DYRK4: variants seen among roughly 807,000 people sequenced by gnomAD.
DYRK4 encodes the protein dual specificity tyrosine-phosphorylation-regulated kinase 4.
Under a neutral mutation model 68.3 loss-of-function variants are expected in DYRK4, and 64 were observed. The observed-to-expected ratio is 0.94, with a 90% CI of 0.77 to 1.15. The LOEUF is 1.15. DYRK4 is among the 50% of genes most tolerant of loss of function. DYRK4 has a pLI of 0.00. For missense variants in DYRK4, 740 were observed against 764.7 expected, an observed-to-expected ratio of 0.97 and a Z score of 0.38; for synonymous variants, 274 against 289.9, an observed-to-expected ratio of 0.95 and a Z score of 0.56.
chr12:4,574,639 A>T (rs1944768260), intron 2 of DYRK4, among the ~76,000 whole-genome samples: 2 of 152,216 alleles, frequency 1.3e-5, no homozygotes, highest in African/African-American at 4.8e-5. Context: ...ATGTTTCATT[A>T]TACGGGAACA....
chr12:4,592,904 C>A, intron 5 of DYRK4, 98 bp from the exon 6 acceptor site: 1 of 1,464,764 alleles, frequency 6.8e-7, no homozygotes, highest in Non-Finnish European at 9.2e-7. Context: ...GGGGAACAGG[C>A]TGATGGCTCG....
chr12:4,566,017 T>A (rs189356634), intron 1 of DYRK4, among the ~76,000 whole-genome samples: 2 of 152,350 alleles, frequency 1.3e-5, no homozygotes, highest in East Asian at 3.9e-4. Flanking sequence ...ATTTTTGTGT[T>A]CATTTTTGCC....
intron 8 of DYRK4, among the ~76,000 whole-genome samples, chr12:4,597,396 C>A (rs969429355): frequency 2.6e-5 from 4 of 152,222 alleles, no homozygotes; most frequent in African/African-American, 9.6e-5. Flanking sequence ...TAGCTCACTG[C>A]CCCCATGACA....
chr12:4,597,211 G>A, intron 8 of DYRK4: 1 of 947,850 alleles, frequency 1.1e-6, no homozygotes, highest in Non-Finnish European at 1.3e-6. Flanking sequence ...GACTTCAATA[G>A]ATTGGCGTGG....
intron 6 of DYRK4, among the ~76,000 whole-genome samples, chr12:4,594,374 C>T (rs1290256322): frequency 6.6e-6 from 1 of 152,182 alleles, no homozygotes; most frequent in Non-Finnish European, 1.5e-5. Flanking sequence ...CAGGCGCCCG[C>T]CACCACGCCT....
rs1338802648 is a variant in DYRK4, at chr12:4,596,194, A to G, written c.673A>G (p.Ile225Val). The G allele has an allele frequency of 1.9e-6, 3 of 1,614,076 alleles. No individual in the cohort carries two copies. Among genetic ancestry groups the G allele is most frequent in the Non-Finnish European group, 2.5e-6 (3 of 1,180,040 alleles). ...CTACCGCTATGAAGTTCTGGAGACA[A>G]TCGGGAAGGGGTCCTTTGGACAGGT... The part of the protein sequence containing the change: ...IAYRYEVLET[I>V]GKGSFGQVAK... The change falls in exon 7 of 15, where the codon ATC becomes GTC. Residue 225 changes from isoleucine to valine, a missense_variant. Ile to Val is a conservative substitution (Grantham distance 29). Coordinates refer to ENST00000543431, the MANE Select transcript of DYRK4 (RefSeq NM_001394779.1).
chr12:4,610,566 G>A (rs1945208257), intron 13 of DYRK4: 3 of 221,592 alleles, frequency 1.4e-5, no homozygotes, highest in Non-Finnish European at 2.6e-5. Flanking sequence ...CACAGCGTAT[G>A]GTAGAGTTTG....
In DYRK4 at chr12:4,593,184, A is replaced by G. The variant is rs1409751501; in HGVS notation, c.627+19A>G. The stretch of plus-strand genomic sequence containing the variant: ...TCTGAAGGTGATGGGGGTGGGGGCC[A>G]TGGGAACCTGCAGGGGCCCAGGGAC... On this transcript the variant is annotated intron_variant, in intron 6 of 14. Transcript: ENST00000543431. The G allele has an allele frequency of 6.2e-7, 1 of 1,611,684 alleles. No individual in the cohort carries two copies. The highest frequency in any genetic ancestry group is 1.7e-5 in the Admixed American group (1 of 59,822).
chr12:4,607,271 A>G (rs1945163514), intron 11 of DYRK4, 56 bp from the exon 12 acceptor site: 1 of 1,607,762 alleles, frequency 6.2e-7, no homozygotes, highest in African/African-American at 1.3e-5. Context: ...TCCACCCCTC[A>G]GCCTTTGAAT....
intron 2 of DYRK4, among the ~76,000 whole-genome samples, chr12:4,584,658 C>T (rs1944877015): frequency 6.7e-6 from 1 of 150,076 alleles, no homozygotes. Flanking sequence ...TGGGTTCATG[C>T]CATTCTCCTG....
intron 2 of DYRK4, among the ~76,000 whole-genome samples, chr12:4,574,849 C>A (rs141464752): frequency 6.4e-4 from 97 of 152,272 alleles, no homozygotes; most frequent in African/African-American, 2.3e-3. Flanking sequence ...TCCCCAGTAG[C>A]TGGGATTACA....
At chr12:4,612,991 T>C (rs1945243238) in intron 14 of DYRK4, 1 of 391,726 alleles carries the variant, frequency 2.6e-6, no homozygotes, top group South Asian at 2.9e-5. Context: ...CAGGGAAATT[T>C]GGCATTAGCC....
chr12:4,581,166 C>A (rs552700348), intron 2 of DYRK4, among the ~76,000 whole-genome samples: 2 of 152,082 alleles, frequency 1.3e-5, no homozygotes, highest in Admixed American at 1.3e-4. Flanking sequence ...AGAGCCTGTG[C>A]TTGCTGGGGG....
chr12:4,599,608 A>G, intron 9 of DYRK4, 99 bp from the exon 10 acceptor site: 1 of 810,202 alleles, frequency 1.2e-6, no homozygotes, highest in South Asian at 1.7e-5. Context: ...GGAGGTGGTC[A>G]TATTTGAACT....
intron 13 of DYRK4, among the ~76,000 whole-genome samples, chr12:4,611,350 G>C (rs1228454725): frequency 6.6e-6 from 1 of 152,132 alleles, no homozygotes; most frequent in Non-Finnish European, 1.5e-5. Flanking sequence ...TGAGACAGAT[G>C]GGTTATCCAG....
At chr12:4,609,993 T>C (rs2137408703) in intron 12 of DYRK4, 162 bp from the exon 13 acceptor site, 1 of 458,460 alleles carries the variant, frequency 2.2e-6, no homozygotes, top group East Asian at 3.5e-5. Context: ...CACATGGTTA[T>C]TTCAAACTGA....
rs201060830 is a variant in DYRK4, at chr12:4,604,925, A to G, written c.1138A>G (p.Ile380Val). The change falls in exon 11 of 15, where the codon ATC becomes GTC. Residue 380 changes from isoleucine (I) to valine (V), a missense_variant. By Grantham distance (29) the Ile-to-Val change is conservative (BLOSUM62 3). Transcript: ENST00000543431. The part of the protein sequence containing the change: ...CYEHQKVYTY[I>V]QSRFYRSPEV... ...CTTTGCCTCCGCAGTATACACGTAC[A>G]TCCAAAGCCGGTTCTACCGATCCCC... 2.5e-5 allele frequency: 41 copies of G among 1,608,894 alleles called. No individual in the cohort carries two copies. Among genetic ancestry groups the G allele is most frequent in the Non-Finnish European group, 3.3e-5 (39 of 1,177,236 alleles).
chr12:4,578,758 A>G (rs1944812790), intron 2 of DYRK4, among the ~76,000 whole-genome samples: 1 of 152,164 alleles, frequency 6.6e-6, no homozygotes, highest in African/African-American at 2.4e-5. Context: ...ATGGTTTGCC[A>G]AGGCCACACA....
intron 10 of DYRK4, among the ~76,000 whole-genome samples, chr12:4,604,161 G>A (rs1046766922): frequency 6.6e-5 from 10 of 152,194 alleles, no homozygotes; most frequent in Non-Finnish European, 1.0e-4. Context: ...TAAACATAAT[G>A]TAAATACCAT....
Sources: allele counts gnomAD v4.1 joint callset (sites outside exome capture counted in the v4.1 genomes callset), GRCh38; gene constraint gnomAD v4.1.1; transcripts MANE v1.5; gene names NCBI Gene and HGNC (gene_info 2026-07-23, HGNC 2026-07-21).